PRUNE2: variants seen among roughly 807,000 people sequenced by gnomAD.
PRUNE2 encodes the protein protein prune homolog 2.
Under a neutral mutation model 252.0 loss-of-function variants are expected in PRUNE2, and 164 were observed. The ratio of observed to expected loss-of-function variants is 0.65; its 90% CI spans 0.57 to 0.74. PRUNE2 has a LOEUF of 0.74. Among genes scored for constraint, PRUNE2 ranks in the 30% least tolerant of loss-of-function variants. PRUNE2 has a pLI of 0.00. For missense variants in PRUNE2, 3,495 were observed against 3,711.0 expected, an observed-to-expected ratio of 0.94 and a Z score of 1.51; for synonymous variants, 1,292 against 1,350.2, an observed-to-expected ratio of 0.96 and a Z score of 0.94.
rs114069715 is a variant in PRUNE2 at position 76,730,355 on chromosome 9, A to G, written c.757-16634T>C. 5.8e-3 allele frequency among the ~76,000 whole-genome samples: 884 copies of G among 152,324 alleles called. 6 individuals are homozygous for G. Among genetic ancestry groups the G allele is most frequent in the African/African-American group, 0.019 (796 of 41,560 alleles). ...TGCAGCCCTACCTCCTCACCTGTAG[A>G]AAAAAGATACATATAATCTTGTGAT... On this transcript the variant is annotated intron_variant, in intron 6 of 18. Coordinates refer to ENST00000376718, the MANE Select transcript of PRUNE2 (RefSeq NM_015225.3).
chr9:76,716,277 C>G (rs1033695910), intron 6 of PRUNE2, among the ~76,000 whole-genome samples: 6 of 152,176 alleles, frequency 3.9e-5, no homozygotes, highest in African/African-American at 1.2e-4. Flanking sequence ...GGACTCAAGT[C>G]CAAAAGCATT....
chr9:76,724,515 G>A (rs2047937245), intron 6 of PRUNE2, among the ~76,000 whole-genome samples: 1 of 151,832 alleles, frequency 6.6e-6, no homozygotes, highest in Admixed American at 6.6e-5. Context: ...AATGAAGTGG[G>A]CTGATTTCAG....
chr9:76,851,167 A>C lies in PRUNE2; in HGVS notation c.142-502T>G, dbSNP rs980549446. On this transcript the variant is annotated intron_variant, in intron 2 of 18. Transcript: ENST00000376718. ...GGGGACTGTGGGGACAGGGGAAGGC[A>C]CATACATTGCATCTAAATGAGATGC... 2.0e-5 allele frequency among the ~76,000 whole-genome samples: 3 copies of C among 152,148 alleles called. No homozygotes were observed. The South Asian group carries it at 6.2e-4, about 32-fold the overall frequency.
intron 4 of PRUNE2, among the ~76,000 whole-genome samples, chr9:76,843,778 G>C (rs1370902637): frequency 6.7e-6 from 1 of 150,028 alleles, no homozygotes; most frequent in Non-Finnish European, 1.5e-5. Context: ...CCTCAGGCTG[G>C]AGTGCAATGG....
At chr9:76,617,807 G>C (rs1351109749) in intron 18 of PRUNE2, among the ~76,000 whole-genome samples, 1 of 152,168 alleles carries the variant, frequency 6.6e-6, no homozygotes, top group Non-Finnish European at 1.5e-5. Flanking sequence ...CAAAGAAGTG[G>C]GTAAGCCCCA....
chr9:76,830,400 C>T (rs187615101), intron 4 of PRUNE2, among the ~76,000 whole-genome samples: 71 of 152,194 alleles, frequency 4.7e-4, no homozygotes, highest in Non-Finnish European at 2.4e-4. Flanking sequence ...CACCTGTAAT[C>T]CCAGCACTTT....
At chr9:76,622,739 G>A (rs700805) in intron 17 of PRUNE2, among the ~76,000 whole-genome samples, 120,913 of 152,116 alleles carry the variant, frequency 0.79, 48,720 homozygotes, top group Admixed American at 0.85. Context: ...ACAACTTCTT[G>A]TTTGTGACAG....
At chr9:76,661,415 G>A (rs1236874018) in intron 9 of PRUNE2, among the ~76,000 whole-genome samples, 4 of 151,968 alleles carry the variant, frequency 2.6e-5, no homozygotes, top group African/African-American at 9.7e-5. Flanking sequence ...GCTAAGTTTT[G>A]TATTTTTAAT....
At chr9:76,674,274 G>C (rs546801600) in intron 9 of PRUNE2, among the ~76,000 whole-genome samples, 1,575 of 152,268 alleles carry the variant, frequency 0.01, 17 homozygotes, top group African/African-American at 0.035. Flanking sequence ...GACAAACAGA[G>C]AGCCAAATCA....
At chr9:76,723,929 T>TC (rs1276597172) in intron 6 of PRUNE2, among the ~76,000 whole-genome samples, 4 of 150,748 alleles carry the variant, frequency 2.7e-5, no homozygotes, top group Non-Finnish European at 5.9e-5. Context: ...TGCCTCAGCC[T>TC]CCCGAGTAGC....
chr9:76,888,865 C>A (rs115098959), intron 1 of PRUNE2, among the ~76,000 whole-genome samples: 1 of 151,824 alleles, frequency 6.6e-6, no homozygotes. Context: ...GTTTTTGAGA[C>A]GGAGTCGCGC....
At chr9:76,832,659 A>C (rs1430958505) in intron 4 of PRUNE2, among the ~76,000 whole-genome samples, 2 of 152,122 alleles carry the variant, frequency 1.3e-5, no homozygotes, top group Non-Finnish European at 2.9e-5. Context: ...TCACCTAAAA[A>C]AAAGGTAGAA....
intron 6 of PRUNE2, chr9:76,817,772 G>A (rs2057781966): frequency 6.6e-6 from 1 of 152,150 alleles, no homozygotes; most frequent in Non-Finnish European, 1.5e-5. Flanking sequence ...CACCAATACA[G>A]GGGTAATCAT....
At position 76,705,398 on chromosome 9, in the gene PRUNE2, C is replaced by A. The variant is rs766038774; in HGVS notation, c.6876G>T (p.Leu2292=). 1.9e-5 allele frequency: 31 copies of A among 1,613,964 alleles called. No homozygotes were observed. The highest frequency in any genetic ancestry group is 2.5e-5 in the Non-Finnish European group (30 of 1,179,874). The stretch of plus-strand genomic sequence containing the variant: ...GGTCAAAGGCAGCTTCGCTTATATC[C>A]AGACAAGTGTCTGAGGCTAGCAAAG... ...PDALLASDTC[L]DISEAAFDHS... Residue 2292 remains leucine (L), a synonymous_variant, in exon 8 of 19, where the codon CTG becomes CTT. Coordinates refer to ENST00000376718, the MANE Select transcript of PRUNE2 (RefSeq NM_015225.3).
chr9:76,645,252 A>C (rs1232933481), intron 11 of PRUNE2: 1 of 186,356 alleles, frequency 5.4e-6, no homozygotes, highest in East Asian at 1.4e-4. Context: ...GGGTAAAGAA[A>C]GATTGCAGGT....
intron 11 of PRUNE2, among the ~76,000 whole-genome samples, chr9:76,651,551 A>ATAAC (rs1464387542): frequency 6.6e-6 from 1 of 152,214 alleles, no homozygotes; most frequent in Admixed American, 6.5e-5. Context: ...TTCAAATATT[A>ATAAC]TAACTTCAGA....
chr9:76,708,452 A>G lies in PRUNE2; in HGVS notation c.3822T>C (p.Ser1274=), dbSNP rs745460222. The G allele has an allele frequency of 1.1e-4, 176 of 1,613,704 alleles. No individual in the cohort carries two copies. Among genetic ancestry groups the G allele is most frequent in the Non-Finnish European group, 1.4e-4 (171 of 1,179,868 alleles). The change falls in exon 8 of 19, where the codon AGT becomes AGC. Residue 1274 remains serine, a synonymous_variant. Coordinates refer to ENST00000376718, the MANE Select transcript of PRUNE2 (RefSeq NM_015225.3). ...SPDAPAASGT[S]ESEALISHLD... ...GATGAGATATAAGTGCCTCTGATTC[A>G]CTGGTTCCAGAGGCTGCTGGCGCAT...
At chr9:76,685,881 C>G (rs2044025752) in intron 9 of PRUNE2, among the ~76,000 whole-genome samples, 1 of 152,182 alleles carries the variant, frequency 6.6e-6, no homozygotes, top group African/African-American at 2.4e-5. Flanking sequence ...TTTCATTCAT[C>G]TTCTCTGCTA....
intron 6 of PRUNE2, among the ~76,000 whole-genome samples, chr9:76,731,324 ATTTTT>A (rs1181079797): frequency 7.5e-5 from 8 of 106,786 alleles, no homozygotes; most frequent in South Asian, 5.8e-4. Flanking sequence ...ATATATATAT[ATTTTT>A]TTTTTTTTTT....
Sources: allele counts gnomAD v4.1 joint callset (sites outside exome capture counted in the v4.1 genomes callset), GRCh38; gene constraint gnomAD v4.1.1; transcripts MANE v1.5; gene names NCBI Gene and HGNC (gene_info 2026-07-23, HGNC 2026-07-21).